Variants in PDS5B observed in about 807,000 individuals in gnomAD.
PDS5B encodes sister chromatid cohesion protein PDS5 homolog B.
Under a neutral mutation model 184.1 loss-of-function variants are expected in PDS5B, and 51 were observed. The observed-to-expected ratio is 0.28, with a 90% CI of 0.22 to 0.35. PDS5B has a LOEUF of 0.35. Among genes scored for constraint, PDS5B ranks in the 10% least tolerant of loss-of-function variants. The pLI is 1.00. For synonymous variants in PDS5B, 566 were observed against 569.2 expected (o/e 0.99, Z 0.08); for missense variants, 1,180 against 1,723.3 (o/e 0.68, Z 5.58).
Position 32,667,851 on chromosome 13 carries a change from C to T in PDS5B, c.705+7C>T. ...TGAGCCATATATTACCAATGTAAGTCTTACTTGTAATTGGTTGTCAGAAGG... is the reference window on the plus strand; with the variant it reads ...TGAGCCATATATTACCAATGTAAGTTTTACTTGTAATTGGTTGTCAGAAGG... On this transcript the variant is annotated splice_region_variant and intron_variant, in intron 7 of 34. Transcript: ENST00000315596. The T allele has an allele frequency of 6.6e-7, 1 of 1,506,734 alleles. No individual in the cohort carries two copies. Among genetic ancestry groups the T allele is most frequent in the Non-Finnish European group, 9.0e-7 (1 of 1,113,066 alleles). 93.3% of individuals were successfully genotyped at this position (1,506,734 alleles called of 1,614,324 possible).
chr13:32,611,111 C>T (rs568057268), intron 1 of PDS5B, among the ~76,000 whole-genome samples: 1 of 152,132 alleles, frequency 6.6e-6, no homozygotes, highest in East Asian at 1.9e-4. Context: ...TGGAGAAAAA[C>T]TATCCCACAG....
intron 31 of PDS5B, among the ~76,000 whole-genome samples, chr13:32,766,331 T>A (rs1020733002): frequency 3.3e-5 from 5 of 152,234 alleles, no homozygotes; most frequent in African/African-American, 1.2e-4. Context: ...TGCTTTTACC[T>A]TTTGGGATAG....
chr13:32,669,974 A>G (rs373925296), intron 7 of PDS5B, among the ~76,000 whole-genome samples: 1 of 152,124 alleles, frequency 6.6e-6, no homozygotes. Context: ...AGTCTTAGAA[A>G]TCATTCTTAG....
chr13:32,603,124 A>T lies in PDS5B; in HGVS notation c.-20+16531A>T, dbSNP rs537967513. Among the ~76,000 whole-genome samples the T allele has an allele frequency of 4.7e-4, 72 of 151,852 alleles. No homozygotes were observed. In the South Asian group the frequency reaches 0.011, roughly 23 times the overall value. The stretch of plus-strand genomic sequence containing the variant: ...TTAGATCCCATTTGTCAATTTTGGC[A>T]TTTGTTGCCATTGCTTTTGGTGTTT... On this transcript the variant is annotated intron_variant, in intron 1 of 34. Transcript: ENST00000315596.
intron 1 of PDS5B, among the ~76,000 whole-genome samples, chr13:32,627,787 A>G (rs2058392873): frequency 6.6e-6 from 1 of 152,216 alleles, no homozygotes; most frequent in African/African-American, 2.4e-5. Context: ...TGGGATGAGG[A>G]TAGAGATGAG....
chr13:32,691,258 T>C (rs899091242), intron 13 of PDS5B: 1 of 152,020 alleles, frequency 6.6e-6, no homozygotes, highest in South Asian at 2.1e-4. Flanking sequence ...AAAGAAACAA[T>C]TGTGTATACA....
chr13:32,722,121 G>A (rs1952735683), intron 19 of PDS5B, among the ~76,000 whole-genome samples: 1 of 152,232 alleles, frequency 6.6e-6, no homozygotes, highest in Admixed American at 6.5e-5. Context: ...TTGGGAGGCC[G>A]AGGCGGGCAG....
chr13:32,611,371 T>G (rs911349540), intron 1 of PDS5B, among the ~76,000 whole-genome samples: 1 of 152,204 alleles, frequency 6.6e-6, no homozygotes, highest in Non-Finnish European at 1.5e-5. Context: ...TTATTATTTT[T>G]TCATTCATTA....
chr13:32,650,924 C>G (rs1283397293), intron 2 of PDS5B, among the ~76,000 whole-genome samples: 1 of 152,170 alleles, frequency 6.6e-6, no homozygotes, highest in Non-Finnish European at 1.5e-5. Flanking sequence ...CTAGTATTTG[C>G]AGCACCACCT....
chr13:32,757,168 T>C (rs1314833870), intron 26 of PDS5B, among the ~76,000 whole-genome samples: 1 of 152,124 alleles, frequency 6.6e-6, no homozygotes, highest in African/African-American at 2.4e-5. Context: ...AAATTAGTTT[T>C]GTGTTAGAGT....
chr13:32,691,377 TC>T (rs1420940551), intron 13 of PDS5B: 2 of 152,132 alleles, frequency 1.3e-5, no homozygotes, highest in African/African-American at 4.8e-5. Context: ...ATTTCATTAA[TC>T]CATGATCTTA....
intron 1 of PDS5B, among the ~76,000 whole-genome samples, chr13:32,611,869 G>C (rs1307045879): frequency 6.6e-6 from 1 of 151,742 alleles, no homozygotes; most frequent in Non-Finnish European, 1.5e-5. Context: ...AAATAAGTTT[G>C]ATCATTCAGG....
At chr13:32,691,763 G>A (rs1364029059) in intron 13 of PDS5B, among the ~76,000 whole-genome samples, 2 of 152,158 alleles carry the variant, frequency 1.3e-5, no homozygotes, top group South Asian at 2.1e-4. Context: ...TTTCATCATT[G>A]TAAACTAGTG....
rs145918183 is a variant in PDS5B at position 32,702,150 on chromosome 13, A to G, written c.1856+712A>G. On this transcript the variant is annotated intron_variant, in intron 17 of 34. Transcript: ENST00000315596. ...GGGTATATATTATAATCTAAAATAA[A>G]TAATACTAATGATTTTTTCATCTTA... Among the ~76,000 whole-genome samples, 4 of 152,260 alleles carry G rather than the reference A, an allele frequency of 2.6e-5. No individual in the cohort carries two copies. In the East Asian group the frequency reaches 7.7e-4, roughly 29 times the overall value.
In PDS5B at chr13:32,777,934, A is replaced by G. The variant is rs918050748; in HGVS notation, c.*2882A>G. On this transcript the variant is annotated 3_prime_UTR_variant, in exon 35 of 35. Coordinates refer to ENST00000315596, the MANE Select transcript of PDS5B (RefSeq NM_015032.4). ...TGCCATCACATAGTATTATGTCACC[A>G]TAATGAACAATTGCTATTTAAATAG... 2 of 152,468 alleles carry G rather than the reference A, an allele frequency of 1.3e-5. No individual in the cohort carries two copies. Among genetic ancestry groups the G allele is most frequent in the Non-Finnish European group, 2.9e-5 (2 of 67,858 alleles). 9.4% of individuals were successfully genotyped at this position (152,468 alleles called of 1,614,324 possible).
intron 1 of PDS5B, among the ~76,000 whole-genome samples, chr13:32,617,928 A>T (rs1183486335): frequency 6.6e-6 from 1 of 152,202 alleles, no homozygotes; most frequent in Non-Finnish European, 1.5e-5. Context: ...AAAGAGCAGA[A>T]ATTTATTTCT....
intron 1 of PDS5B, among the ~76,000 whole-genome samples, chr13:32,590,753 AGCTGAAGTTCTACCAGG>A (rs1451647071): frequency 1.3e-5 from 2 of 152,178 alleles, no homozygotes; most frequent in Non-Finnish European, 2.9e-5. Context: ...ATTATTTAGT[AGCTGAAGTTCTACCAGG>A]TAGTTTCAGT....
chr13:32,673,837 A>ATT (rs113238018), intron 8 of PDS5B, among the ~76,000 whole-genome samples: 9 of 150,990 alleles, frequency 6.0e-5, no homozygotes, highest in African/African-American at 1.9e-4. Context: ...TTGAGACAGG[A>ATT]TTTTTTTTTG....
chr13:32,683,903 C>T lies in PDS5B; in HGVS notation c.1083C>T (p.Asp361=), dbSNP rs1951317161. ...AGTATCTTAAAGTGAGGTCACATGACCCTGAGGAAGCTATTAGACATGATG... is the reference window on the plus strand; with the variant it reads ...AGTATCTTAAAGTGAGGTCACATGATCCTGAGGAAGCTATTAGACATGATG... ...LTEYLKVRSH[D]PEEAIRHDVI... The change falls in exon 11 of 35, where the codon GAC becomes GAT. Residue 361 remains aspartate, a synonymous_variant. Coordinates refer to ENST00000315596, the MANE Select transcript of PDS5B (RefSeq NM_015032.4). The T allele has an allele frequency of 6.3e-7, 1 of 1,599,524 alleles. No homozygotes were observed. Among genetic ancestry groups the T allele is most frequent in the Non-Finnish European group, 8.6e-7 (1 of 1,168,924 alleles).
Sources: allele counts gnomAD v4.1 joint callset (sites outside exome capture counted in the v4.1 genomes callset), GRCh38; gene constraint gnomAD v4.1.1; transcripts MANE v1.5; gene names NCBI Gene and HGNC (gene_info 2026-07-23, HGNC 2026-07-21).